Variants in CDH22 observed in about 807,000 individuals in gnomAD.
CDH22 encodes the protein cadherin-22.
A neutral mutation model predicts 58.4 loss-of-function variants in CDH22; 30 were observed. The observed-to-expected ratio is 0.51, with a 90% CI of 0.38 to 0.70. The LOEUF is 0.70. CDH22 is among the 30% of genes least tolerant of loss of function. CDH22 has a pLI of 0.00. For synonymous variants in CDH22, 513 were observed against 558.2 expected (o/e 0.92, Z 1.14); for missense variants, 1,014 against 1,233.9 (o/e 0.82, Z 2.67).
Position 46,227,689 on chromosome 20 carries a change from T to C in CDH22, c.551-62A>G, listed in dbSNP as rs1004883347. 81 of 1,545,578 alleles carry C rather than the reference T, an allele frequency of 5.2e-5. No individual in the cohort carries two copies. The African/African-American group carries it at 9.8e-4, about 19-fold the overall frequency. On this transcript the variant is annotated intron_variant, in intron 3 of 11. Coordinates refer to ENST00000537909, the MANE Select transcript of CDH22 (RefSeq NM_021248.3). Reference sequence around the variant, plus strand: ...GGGGCTGCGGAGCTCGTTCCCCCACTTCGCCTCACCCCAGGGAAGCTGGGA... The same window carrying C: ...GGGGCTGCGGAGCTCGTTCCCCCACCTCGCCTCACCCCAGGGAAGCTGGGA...
At chr20:46,249,758 C>T (rs1430350222) in intron 2 of CDH22, among the ~76,000 whole-genome samples, 2 of 152,144 alleles carry the variant, frequency 1.3e-5, no homozygotes, top group Non-Finnish European at 2.9e-5. Context: ...CACTTTCATG[C>T]CCTACAATCA....
chr20:46,226,231 CCTTCTTCTTCTTCTTCTT>C lies in CDH22; in HGVS notation c.670+1259_670+1276del, dbSNP rs74176857. Among the ~76,000 whole-genome samples, 15 of 86,600 alleles carry C rather than the reference CCTTCTTCTTCTTCTTCTT, an allele frequency of 1.7e-4. No individual in the cohort carries two copies. The South Asian group carries it at 3.2e-3, about 19-fold the overall frequency. 56.8% of individuals were successfully genotyped at this position (86,600 alleles called of 152,430 possible). A position where few individuals can be genotyped will look rare whatever the true frequency, so the allele number is the denominator to read the frequency against. On this transcript the variant is annotated intron_variant, in intron 4 of 11. Transcript: ENST00000537909. Reference sequence around the variant, plus strand: ...TCTCTGAAATCTTGGTCTGGCAACACCTTCTTCTTCTTCTTCTTCTTCTTCTTCTTCTTCTTCTTCTTC... The same window carrying C: ...TCTCTGAAATCTTGGTCTGGCAACACCTTCTTCTTCTTCTTCTTCTTCTTC...
Position 46,174,895 on chromosome 20 carries a change from C to G in CDH22, c.2098G>C (p.Gly700Arg). 2.1e-6 allele frequency: 3 copies of G among 1,434,276 alleles called. No homozygotes were observed. The highest frequency in any genetic ancestry group is 2.8e-6 in the Non-Finnish European group (3 of 1,090,144). 88.8% of individuals were successfully genotyped at this position (1,434,276 alleles called of 1,614,324 possible). ...SLYDFGELKG[G>R]DGGGSAGGGA... ...CCGCCCGCGCTGCCGCCCCCGTCGC[C>G]GCCCTTGAGCTCGCCGAAGTCGTAG... Residue 700 changes from glycine (G) to arginine (R), a missense_variant, in exon 12 of 12, where the codon GGC (glycine) becomes CGC (arginine). Around this residue, in one of 2 missense-constraint regions of CDH22, gnomAD observed 208 missense variants for 195.2 expected, o/e 1.07. Coordinates refer to ENST00000537909, the MANE Select transcript of CDH22 (RefSeq NM_021248.3). The surrounding 1 kb of genome is among the most constrained non-coding windows in gnomAD (Gnocchi z 4.4).
At chr20:46,227,409 G>A (rs921028352) in intron 4 of CDH22, 99 bp downstream of exon 4, 6 of 1,198,090 alleles carry the variant, frequency 5.0e-6, no homozygotes, top group South Asian at 2.7e-5. Context: ...AGAGCTTCTG[G>A]GACAGAAGGC....
At chr20:46,275,492 G>A (rs2145761611) in intron 1 of CDH22, among the ~76,000 whole-genome samples, 1 of 152,152 alleles carries the variant, frequency 6.6e-6, no homozygotes, top group Middle Eastern at 3.4e-3. Context: ...AACATATTAT[G>A]CGATTTACTT....
chr20:46,235,908 C>G (rs1372027027), intron 3 of CDH22, among the ~76,000 whole-genome samples: 1 of 152,220 alleles, frequency 6.6e-6, no homozygotes, highest in Non-Finnish European at 1.5e-5. Flanking sequence ...GATTAAACCT[C>G]TGCTCTCCAT....
chr20:46,255,282 G>A (rs2086400951), intron 1 of CDH22, among the ~76,000 whole-genome samples: 1 of 152,110 alleles, frequency 6.6e-6, no homozygotes, highest in Non-Finnish European at 1.5e-5. Flanking sequence ...AAAGTGCTGG[G>A]ATTACAGATG....
chr20:46,308,360 C>T lies in CDH22; in HGVS notation c.-505G>A. 2 of 185,854 alleles carry T rather than the reference C, an allele frequency of 1.1e-5. No individual in the cohort carries two copies. Among genetic ancestry groups the T allele is most frequent in the African/African-American group, 2.4e-5 (1 of 42,084 alleles). The allele number at this position is 185,854 out of a possible 1,614,324, so 11.5% of individuals were successfully genotyped here. The stretch of plus-strand genomic sequence containing the variant: ...GGCGAGTCCGGAGCCCCGCGGCCGC[C>T]CGCAGGAGCCGGAGGGAGAGCGGGA... On this transcript the variant is annotated 5_prime_UTR_variant, in exon 1 of 12. Coordinates refer to ENST00000537909, the MANE Select transcript of CDH22 (RefSeq NM_021248.3). This position sits in a 1 kb window ranked among gnomAD's most constrained non-coding sequence, Gnocchi z 4.3.
At chr20:46,212,421 G>A (rs991496073) in intron 6 of CDH22, among the ~76,000 whole-genome samples, 4 of 152,094 alleles carry the variant, frequency 2.6e-5, no homozygotes, top group African/African-American at 9.7e-5. Context: ...ATGGATTTTT[G>A]CCTCTTTATT....
At chr20:46,245,060 A>T (rs1180897450) in intron 2 of CDH22, among the ~76,000 whole-genome samples, 1 of 152,148 alleles carries the variant, frequency 6.6e-6, no homozygotes, top group Non-Finnish European at 1.5e-5. Context: ...GAAGATTCAT[A>T]AGATAATATA....
chr20:46,182,290 C>T (rs1003370897), intron 10 of CDH22, among the ~76,000 whole-genome samples: 4 of 152,160 alleles, frequency 2.6e-5, no homozygotes, highest in South Asian at 2.1e-4. Context: ...AGAATGGATG[C>T]GGTCCCTGTC....
chr20:46,180,434 C>T (rs78100775), intron 10 of CDH22, among the ~76,000 whole-genome samples: 8 of 152,168 alleles, frequency 5.3e-5, no homozygotes, highest in South Asian at 2.1e-4. Flanking sequence ...AGCTCTCCCC[C>T]CAAAGGATGC....
chr20:46,194,371 C>T (rs2085884102), intron 8 of CDH22, among the ~76,000 whole-genome samples: 1 of 152,224 alleles, frequency 6.6e-6, no homozygotes, highest in Admixed American at 6.5e-5. Context: ...CTTCACTCCT[C>T]ATCCCTGTCC....
chr20:46,269,043 A>T (rs1307503206), intron 1 of CDH22, among the ~76,000 whole-genome samples: 2 of 152,206 alleles, frequency 1.3e-5, no homozygotes, highest in Non-Finnish European at 2.9e-5. Flanking sequence ...TCTAACGATT[A>T]GACATAGTTG....
At chr20:46,228,243 G>C (rs1439481940) in intron 3 of CDH22, among the ~76,000 whole-genome samples, 2 of 151,764 alleles carry the variant, frequency 1.3e-5, no homozygotes, top group African/African-American at 4.9e-5. Context: ...CCCCCGGCAG[G>C]AGAGGGCAGC....
intron 1 of CDH22, among the ~76,000 whole-genome samples, chr20:46,302,939 G>A (rs2086658570): frequency 6.6e-6 from 1 of 152,094 alleles, no homozygotes; most frequent in South Asian, 2.1e-4. Context: ...TCACAAGTGA[G>A]TCCCCCTCCA....
chr20:46,268,363 C>A (rs904791371), intron 1 of CDH22, among the ~76,000 whole-genome samples: 1 of 152,248 alleles, frequency 6.6e-6, no homozygotes, highest in African/African-American at 2.4e-5. Flanking sequence ...CCGCCTGCCT[C>A]GCAGCTCATC....
intron 3 of CDH22, among the ~76,000 whole-genome samples, chr20:46,231,192 G>C (rs2086218759): frequency 6.6e-6 from 1 of 152,192 alleles, no homozygotes; most frequent in East Asian, 1.9e-4. Context: ...AAGGGCCTAG[G>C]TCCAGGCTGG....
At chr20:46,187,367 G>A (rs543248352) in intron 8 of CDH22, among the ~76,000 whole-genome samples, 28 of 151,662 alleles carry the variant, frequency 1.8e-4, no homozygotes, top group African/African-American at 5.8e-4. Flanking sequence ...TCATCAGTGC[G>A]TCTATCAACA....
Sources: gnomAD v4.1 joint callset for allele counts (sites outside exome capture counted in the v4.1 genomes callset) on GRCh38, gnomAD v4.1.1 for gene constraint, gnomAD v4.1.1 regional missense constraint, Gnocchi (gnomAD v3.1) non-coding constraint, MANE v1.5 for transcripts, NCBI Gene and HGNC (gene_info 2026-07-23, HGNC 2026-07-21) for gene names.